The following SYTL2 variants were observed in gnomAD, a reference collection of about 807,000 sequenced individuals.
SYTL2 encodes the protein synaptotagmin-like protein 2.
A neutral mutation model predicts 198.7 loss-of-function variants in SYTL2; 165 were observed. That is an observed-to-expected ratio of 0.83 (90% confidence interval 0.73 to 0.94). The LOEUF is 0.94. Ranked by LOEUF, SYTL2 falls within the 40% of genes least tolerant of loss-of-function variation. The probability of loss-of-function intolerance (pLI) is 0.00; values close to 1 mark genes in which losing one functional copy is unlikely to be tolerated. For synonymous variants in SYTL2, 966 were observed against 917.7 expected (o/e 1.05, Z -0.95); for missense variants, 2,835 against 2,582.8 (o/e 1.10, Z -2.12).
intron 1 of SYTL2, among the ~76,000 whole-genome samples, chr11:85,781,614 G>A (rs550807543): frequency 3.3e-5 from 5 of 152,270 alleles, no homozygotes; most frequent in African/African-American, 1.2e-4. Flanking sequence ...AAATCAAAAG[G>A]AAGTTAATTA....
intron 1 of SYTL2, among the ~76,000 whole-genome samples, chr11:85,804,248 C>G (rs1233996819): frequency 6.6e-6 from 1 of 152,168 alleles, no homozygotes; most frequent in African/African-American, 2.4e-5. Context: ...CAAGGGTTAT[C>G]CTGTGTAGTC....
intron 1 of SYTL2, among the ~76,000 whole-genome samples, chr11:85,791,738 C>T (rs902238405): frequency 4.6e-5 from 7 of 152,010 alleles, no homozygotes; most frequent in African/African-American, 1.7e-4. Flanking sequence ...AGTCAATGGC[C>T]CAGATGGAGT....
the SYTL2 span, among the ~76,000 whole-genome samples, chr11:85,820,410 T>A: frequency 6.6e-6 from 1 of 152,322 alleles, no homozygotes; most frequent in East Asian, 1.9e-4. Flanking sequence ...AAAGAACCCC[T>A]GCCTAGAGTG....
At chr11:85,822,274 T>C in the SYTL2 span, among the ~76,000 whole-genome samples, 6 of 152,348 alleles carry the variant, frequency 3.9e-5, no homozygotes, top group Non-Finnish European at 7.3e-5. Flanking sequence ...GGGTCTGGAA[T>C]GGCTACTGCT....
the SYTL2 span, among the ~76,000 whole-genome samples, chr11:85,820,180 A>G: frequency 3.9e-5 from 6 of 152,218 alleles, no homozygotes; most frequent in East Asian, 1.2e-3. Context: ...ACCAATAGAA[A>G]TCTCACATTT....
intron 7 of SYTL2, among the ~76,000 whole-genome samples, chr11:85,729,882 T>A (rs543615399): frequency 2.0e-5 from 3 of 151,882 alleles, no homozygotes; most frequent in Non-Finnish European, 4.4e-5. Flanking sequence ...AAGAATCAAA[T>A]AGACACAATA....
the SYTL2 span, among the ~76,000 whole-genome samples, chr11:85,819,315 G>A: frequency 6.6e-6 from 1 of 152,168 alleles, no homozygotes; most frequent in East Asian, 1.9e-4. Flanking sequence ...CTATTGGTAT[G>A]CTTGCTGCAA....
At chr11:85,788,831 C>T (rs889890751) in intron 1 of SYTL2, among the ~76,000 whole-genome samples, 5 of 151,580 alleles carry the variant, frequency 3.3e-5, no homozygotes, top group African/African-American at 1.2e-4. Flanking sequence ...CACAGAATGT[C>T]CCCTCCCTTT....
chr11:85,823,161 A>T, the SYTL2 span, among the ~76,000 whole-genome samples: 2 of 152,292 alleles, frequency 1.3e-5, no homozygotes, highest in African/African-American at 4.8e-5. Flanking sequence ...CCATGCAGGC[A>T]GAAACATTGT....
At chr11:85,801,056 A>T (rs926990964) in intron 1 of SYTL2, among the ~76,000 whole-genome samples, 1 of 152,204 alleles carries the variant, frequency 6.6e-6, no homozygotes, top group Non-Finnish European at 1.5e-5. Flanking sequence ...TCTGATCCTG[A>T]CTGCTTAGGG....
intron 2 of SYTL2, among the ~76,000 whole-genome samples, chr11:85,754,424 T>C (rs369967347): frequency 9.2e-5 from 14 of 152,196 alleles, no homozygotes; most frequent in Admixed American, 5.9e-4. Flanking sequence ...CTGCCCCTTT[T>C]TGGAGGTATA....
chr11:85,750,659 C>T (rs570927020), intron 2 of SYTL2, among the ~76,000 whole-genome samples: 7 of 152,138 alleles, frequency 4.6e-5, no homozygotes, highest in Non-Finnish European at 8.8e-5. Context: ...AGCTGATACC[C>T]AATAACTGTC....
At chr11:85,771,395 G>A (rs1371628110) in intron 1 of SYTL2, among the ~76,000 whole-genome samples, 1 of 152,164 alleles carries the variant, frequency 6.6e-6, no homozygotes, top group African/African-American at 2.4e-5. Flanking sequence ...CCAACCAACA[G>A]TAATAAAGTA....
chr11:85,760,297 G>C (rs183676820), intron 1 of SYTL2, among the ~76,000 whole-genome samples: 138 of 152,258 alleles, frequency 9.1e-4, no homozygotes, highest in African/African-American at 3.2e-3. Flanking sequence ...ACTGAGGTTT[G>C]GGAGTTGTTA....
At chr11:85,827,724 A>G in the SYTL2 span, among the ~76,000 whole-genome samples, 5 of 152,174 alleles carry the variant, frequency 3.3e-5, no homozygotes, top group African/African-American at 9.7e-5. Context: ...AGCTAGCTCC[A>G]AGGTTCAGAA....
At chr11:85,834,954 G>A in the SYTL2 span, among the ~76,000 whole-genome samples, 20 of 151,970 alleles carry the variant, frequency 1.3e-4, no homozygotes, top group South Asian at 4.0e-3. Context: ...GAGACTGGAT[G>A]TCAGTATGCT....
chr11:85,736,482 T>G lies in SYTL2; in HGVS notation c.586+19A>C. 7.6e-7 allele frequency: 1 copy of G among 1,313,356 alleles called. No individual in the cohort carries two copies. The highest frequency in any genetic ancestry group is 1.1e-6 in the Non-Finnish European group (1 of 927,274). 81.4% of individuals were successfully genotyped at this position (1,313,356 alleles called of 1,614,324 possible). A position where few individuals can be genotyped will look rare whatever the true frequency, so the allele number is the denominator to read the frequency against. ...GATAACAAAGATAAAAAAATCAAGT[T>G]CATAAAAATAATATTTACCCTCTTT... On this transcript the variant is annotated intron_variant, in intron 6 of 19. Coordinates refer to ENST00000359152, the MANE Select transcript of SYTL2 (RefSeq NM_206927.4).
chr11:85,764,319 C>T (rs1279736428), intron 1 of SYTL2, among the ~76,000 whole-genome samples: 2 of 152,190 alleles, frequency 1.3e-5, no homozygotes, highest in Admixed American at 1.3e-4. Context: ...GCAGGCGGTG[C>T]TAAGCCCTTT....
the SYTL2 span, among the ~76,000 whole-genome samples, chr11:85,825,040 G>C: frequency 1.3e-5 from 2 of 152,190 alleles, no homozygotes; most frequent in African/African-American, 2.4e-5. Context: ...AATGAATGCT[G>C]CATAAATCAG....
Sources: gnomAD v4.1 joint callset for allele counts (sites outside exome capture counted in the v4.1 genomes callset) on GRCh38, gnomAD v4.1.1 for gene constraint, MANE v1.5 for transcripts, NCBI Gene and HGNC (gene_info 2026-07-23, HGNC 2026-07-21) for gene names.